Variants in ANGPTL2 observed in about 807,000 individuals in gnomAD.
The protein encoded by ANGPTL2 is angiopoietin-related protein 2.
A neutral mutation model predicts 52.8 loss-of-function variants in ANGPTL2; 25 were observed. That is an observed-to-expected ratio of 0.47 (90% CI 0.35 to 0.66). The LOEUF is 0.66. Ranked by LOEUF, ANGPTL2 falls within the 30% of genes least tolerant of loss-of-function variation. ANGPTL2 has a pLI of 0.01. For synonymous variants in ANGPTL2, 276 were observed against 277.4 expected (o/e 1.00, Z 0.05); for missense variants, 546 against 656.9 (o/e 0.83, Z 1.84).
chr9:127,103,594 G>C (rs139496742), intron 2 of ANGPTL2, among the ~76,000 whole-genome samples: 6 of 152,312 alleles, frequency 3.9e-5, no homozygotes, highest in African/African-American at 1.2e-4. Flanking sequence ...TCAGGTGCAC[G>C]TTGTACTTTC....
Position 127,091,008 on chromosome 9 carries a change from TTCTC to T in ANGPTL2, c.1282+658_1282+661del, listed in dbSNP as rs982307115. 8.5e-5 allele frequency among the ~76,000 whole-genome samples: 13 copies of T among 152,378 alleles called. No individual in the cohort carries two copies. The highest frequency in any genetic ancestry group is 2.9e-4 in the African/African-American group (12 of 41,598). ...AGCATGTGATCTTAGACAAATCACT[TTCTC>T]TCTCCTATCTGCTTTCCTCTTAATA... is the stretch of plus-strand genomic sequence containing the variant. On this transcript the variant is annotated intron_variant, in intron 4 of 4. Coordinates refer to ENST00000373425, the MANE Select transcript of ANGPTL2 (RefSeq NM_012098.3). The surrounding 1 kb of genome is among the most constrained non-coding windows in gnomAD (Gnocchi z 4.3).
chr9:127,096,742 T>C (rs1260996222), intron 2 of ANGPTL2, among the ~76,000 whole-genome samples: 10 of 152,238 alleles, frequency 6.6e-5, no homozygotes, highest in Non-Finnish European at 1.5e-4. Context: ...CACAATTCTG[T>C]ATACAGTTTC....
rs927406317 is a variant in ANGPTL2, at chr9:127,091,310, G to A, written c.1282+360C>T. Among the ~76,000 whole-genome samples, 2 of 152,238 alleles carry A rather than the reference G, an allele frequency of 1.3e-5. No individual in the cohort carries two copies. The highest frequency in any genetic ancestry group is 2.9e-5 in the Non-Finnish European group (2 of 68,042). ...CCCAGGTGTGTGGCCCAGAGCCTACGCAGTTGGTTAGCTCTATACCAGGTG... is the reference window on the plus strand; with the variant it reads ...CCCAGGTGTGTGGCCCAGAGCCTACACAGTTGGTTAGCTCTATACCAGGTG... On this transcript the variant is annotated intron_variant, in intron 4 of 4. Coordinates refer to ENST00000373425, the MANE Select transcript of ANGPTL2 (RefSeq NM_012098.3). This position sits in a 1 kb window ranked among gnomAD's most constrained non-coding sequence, Gnocchi z 4.3.
chr9:127,121,042 A>C (rs2056027780), intron 1 of ANGPTL2, among the ~76,000 whole-genome samples: 1 of 152,128 alleles, frequency 6.6e-6, no homozygotes, highest in Admixed American at 6.5e-5. Context: ...CACTGGGTTC[A>C]AGTCCTGGTC....
In ANGPTL2 at chr9:127,108,078, G is replaced by T. The variant is rs1219056486; in HGVS notation, c.654C>A (p.Pro218=). 1 of 1,610,460 alleles carries T rather than the reference G, an allele frequency of 6.2e-7. No individual in the cohort carries two copies. Among genetic ancestry groups the T allele is most frequent in the South Asian group, 1.1e-5 (1 of 90,778 alleles). ...PSARPVPQPP[P]AAPPRVYQPP... is the part of the protein sequence containing the mutation. Reference sequence around the variant, plus strand: ...GTTGGTAGACCCGGGGCGGGGCAGCGGGGGGTGGCTGGGGGACGGGCCTGG... The same window carrying T: ...GTTGGTAGACCCGGGGCGGGGCAGCTGGGGGTGGCTGGGGGACGGGCCTGG... Residue 218 remains proline, a synonymous_variant, in exon 2 of 5, where the codon CCC becomes CCA. Transcript: ENST00000373425.
In ANGPTL2 at chr9:127,087,962, G is replaced by A. The variant is rs1052607360; in HGVS notation, c.*977C>T. 1 of 152,600 alleles carries A rather than the reference G, an allele frequency of 6.6e-6. No individual in the cohort carries two copies. The highest frequency in any genetic ancestry group is 6.5e-5 in the Admixed American group (1 of 15,278). The allele number at this position is 152,600 out of a possible 1,614,324, so 9.5% of individuals were successfully genotyped here. A position where few individuals can be genotyped will look rare whatever the true frequency, so the allele number is the denominator to read the frequency against. On this transcript the variant is annotated 3_prime_UTR_variant, in exon 5 of 5. Transcript: ENST00000373425. Reference sequence around the variant, plus strand: ...AAAACTGCGAGTACATTATCTATACGGCCGGTGGAGCTTTTGGCCTGGCCT... The same window carrying A: ...AAAACTGCGAGTACATTATCTATACAGCCGGTGGAGCTTTTGGCCTGGCCT...
rs752232897 is a variant in ANGPTL2 at position 127,091,879 on chromosome 9, G to C, written c.1073C>G (p.Thr358Arg). 6.2e-6 allele frequency: 10 copies of C among 1,614,008 alleles called. No homozygotes were observed. Among genetic ancestry groups the C allele is most frequent in the Non-Finnish European group, 3.4e-6 (4 of 1,180,040 alleles). ...WLGLENIYWL[T>R]NQGNYKLLVT... is the part of the protein sequence containing the mutation. ...CAGGAGTTTGTAGTTGCCTTGGTTC[G>C]TCAGCCAGTAAATGTTCTCCAGGCC... Residue 358 changes from threonine (T) to arginine (R), a missense_variant, in exon 4 of 5, where the codon ACG becomes AGG. Thr to Arg is a moderately conservative substitution (Grantham distance 71, BLOSUM62 -1). Around this residue, in one of 2 missense-constraint regions of ANGPTL2, gnomAD observed 261 missense variants for 361.0 expected, o/e 0.72. Coordinates refer to ENST00000373425, the MANE Select transcript of ANGPTL2 (RefSeq NM_012098.3). The surrounding 1 kb of genome is among the most constrained non-coding windows in gnomAD (Gnocchi z 4.3).
At chr9:127,106,064 T>C (rs2054189001) in intron 2 of ANGPTL2, among the ~76,000 whole-genome samples, 1 of 152,212 alleles carries the variant, frequency 6.6e-6, no homozygotes, top group Non-Finnish European at 1.5e-5. Context: ...AGAGCATGGA[T>C]GCAAACCCAG....
chr9:127,096,842 C>T (rs1473178325), intron 2 of ANGPTL2, among the ~76,000 whole-genome samples: 2 of 152,180 alleles, frequency 1.3e-5, no homozygotes, highest in Non-Finnish European at 2.9e-5. Flanking sequence ...CCAGTGTGTA[C>T]TGAGCATTTC....
chr9:127,090,268 C>T (rs1236343282), intron 4 of ANGPTL2, among the ~76,000 whole-genome samples: 1 of 152,234 alleles, frequency 6.6e-6, no homozygotes, highest in Non-Finnish European at 1.5e-5. Context: ...GAGTTTGGAT[C>T]ATAGAATACA....
intron 1 of ANGPTL2, 134 bp from the exon 2 acceptor site, chr9:127,108,914 C>A: frequency 1.5e-6 from 1 of 646,958 alleles, no homozygotes; most frequent in South Asian, 2.4e-5. Context: ...GGGTTATATT[C>A]TCTTGGAGTC....
chr9:127,117,830 C>T lies in ANGPTL2; in HGVS notation c.-50+4485G>A, dbSNP rs184114906. On this transcript the variant is annotated intron_variant, in intron 1 of 4. Coordinates refer to ENST00000373425, the MANE Select transcript of ANGPTL2 (RefSeq NM_012098.3). ...TGGAGTGGGACCACCTCAGGCAGGA[C>T]TTTAAGGATTCTTGGAGCTGGGCAG... Among the ~76,000 whole-genome samples, 15 of 152,328 alleles carry T rather than the reference C, an allele frequency of 9.8e-5. No homozygotes were observed. In the East Asian group the frequency reaches 1.3e-3, roughly 14 times the overall value.
At chr9:127,114,501 G>A (rs2055192217) in intron 1 of ANGPTL2, among the ~76,000 whole-genome samples, 1 of 152,232 alleles carries the variant, frequency 6.6e-6, no homozygotes, top group Non-Finnish European at 1.5e-5. Flanking sequence ...GACGACGACA[G>A]GAGTGCTCTT....
In ANGPTL2 at chr9:127,091,975, C is replaced by A. The variant is rs563760080; in HGVS notation, c.1012-35G>T. 3.8e-6 allele frequency: 6 copies of A among 1,598,484 alleles called. No homozygotes were observed. The African/African-American group carries it at 8.0e-5, about 21-fold the overall frequency. On this transcript the variant is annotated intron_variant, in intron 3 of 4. Transcript: ENST00000373425. The surrounding 1 kb of genome is among the most constrained non-coding windows in gnomAD (Gnocchi z 4.3). Reference sequence around the variant, plus strand: ...ACCCAGGAGAGTGTTAATGTGGAGCCTGCAGCACCTGCAGCCAGCAGGCTT... The same window carrying A: ...ACCCAGGAGAGTGTTAATGTGGAGCATGCAGCACCTGCAGCCAGCAGGCTT...
At chr9:127,094,128 A>G in intron 2 of ANGPTL2, among the ~76,000 whole-genome samples, 1 of 152,114 alleles carries the variant, frequency 6.6e-6, no homozygotes, top group East Asian at 1.9e-4. Context: ...CAGGATGCCC[A>G]TACTCCAAGC....
At position 127,111,618 on chromosome 9, in the gene ANGPTL2, A is replaced by G. The variant is rs557797987; in HGVS notation, c.-49-2838T>C. On this transcript the variant is annotated intron_variant, in intron 1 of 4. Coordinates refer to ENST00000373425, the MANE Select transcript of ANGPTL2 (RefSeq NM_012098.3). ...GGGCCTATGTGTGTATTTATTAATA[A>G]CATCCATTGACCAAGGTCCGCTATA... Among the ~76,000 whole-genome samples, 63 of 152,336 alleles carry G rather than the reference A, an allele frequency of 4.1e-4. 1 individual carries two copies. Among genetic ancestry groups the G allele is most frequent in the South Asian group, 2.5e-3 (12 of 4,826 alleles).
intron 1 of ANGPTL2, among the ~76,000 whole-genome samples, chr9:127,120,685 G>T (rs948839419): frequency 2.0e-5 from 3 of 152,142 alleles, no homozygotes; most frequent in Non-Finnish European, 4.4e-5. Context: ...AAAATTAGCT[G>T]GGCGTGGTGG....
chr9:127,107,644 C>G (rs2054347366), intron 2 of ANGPTL2, among the ~76,000 whole-genome samples: 1 of 152,172 alleles, frequency 6.6e-6, no homozygotes, highest in Non-Finnish European at 1.5e-5. Context: ...GCTCTGGGTT[C>G]TTTCCTGTCA....
At chr9:127,115,915 G>C (rs939559306) in intron 1 of ANGPTL2, among the ~76,000 whole-genome samples, 2 of 152,282 alleles carry the variant, frequency 1.3e-5, no homozygotes, top group East Asian at 3.9e-4. Context: ...GGCCAGGGAG[G>C]GCATATCCAG....
Sources: allele counts gnomAD v4.1 joint callset (sites outside exome capture counted in the v4.1 genomes callset), GRCh38; gene constraint gnomAD v4.1.1; regional missense constraint gnomAD v4.1.1; non-coding constraint Gnocchi (gnomAD v3.1); transcripts MANE v1.5; gene names NCBI Gene and HGNC (gene_info 2026-07-23, HGNC 2026-07-21).